Variants in BMPR1B observed in about 807,000 individuals in gnomAD.
BMPR1B encodes the protein bone morphogenetic protein receptor type-1B.
Under a neutral mutation model 59.1 loss-of-function variants are expected in BMPR1B, and 12 were observed. The ratio of observed to expected loss-of-function variants is 0.20; its 90% CI spans 0.13 to 0.33. The LOEUF is 0.33. BMPR1B is among the 10% of genes least tolerant of loss of function. The probability of loss-of-function intolerance (pLI) is 1.00; values close to 1 mark genes in which losing one functional copy is unlikely to be tolerated. For synonymous variants in BMPR1B, 237 were observed against 207.3 expected (o/e 1.14, Z -1.23); for missense variants, 550 against 610.9 (o/e 0.90, Z 1.05).
chr4:94,923,895 G>C (rs1578807219), intron 2 of BMPR1B, among the ~76,000 whole-genome samples: 1 of 152,184 alleles, frequency 6.6e-6, no homozygotes, highest in Non-Finnish European at 1.5e-5. Context: ...ACTTGGACTG[G>C]GTCTTAGGAA....
intron 2 of BMPR1B, among the ~76,000 whole-genome samples, chr4:94,879,705 A>AT: frequency 6.6e-6 from 1 of 152,172 alleles, no homozygotes; most frequent in South Asian, 2.1e-4. Flanking sequence ...AGATCTTTAA[A>AT]TTTTTTTCCC....
intron 2 of BMPR1B, among the ~76,000 whole-genome samples, chr4:94,882,136 CT>C (rs964880905): frequency 6.6e-6 from 1 of 151,200 alleles, no homozygotes; most frequent in African/African-American, 2.4e-5. Flanking sequence ...CTGTTTTTTT[CT>C]TTTTTTTTCC....
intron 2 of BMPR1B, among the ~76,000 whole-genome samples, chr4:94,973,971 G>GTCCCTC (rs1730912544): frequency 6.6e-6 from 1 of 152,170 alleles, no homozygotes; most frequent in Non-Finnish European, 1.5e-5. Flanking sequence ...AAAGACTCCA[G>GTCCCTC]TCATATATCC....
At chr4:94,999,448 G>A (rs966554687) in intron 3 of BMPR1B, among the ~76,000 whole-genome samples, 1 of 151,916 alleles carries the variant, frequency 6.6e-6, no homozygotes, top group African/African-American at 2.4e-5. Flanking sequence ...GTGTGTGTGT[G>A]TGTAACCATG....
intron 2 of BMPR1B, among the ~76,000 whole-genome samples, chr4:94,883,842 A>C (rs2148982389): frequency 6.6e-6 from 1 of 152,276 alleles, no homozygotes; most frequent in East Asian, 1.9e-4. Context: ...AAGTTTCACA[A>C]GTAGATGGAC....
Position 94,879,277 on chromosome 4 carries a change from G to T in BMPR1B, c.-113+3377G>T, listed in dbSNP as rs565494687. Among the ~76,000 whole-genome samples, 6 of 152,274 alleles carry T rather than the reference G, an allele frequency of 3.9e-5. No homozygotes were observed. In the South Asian group the frequency reaches 1.2e-3, roughly 32 times the overall value. The stretch of plus-strand genomic sequence containing the variant: ...CCTGGTAGAATAGAAAAGAACAAGG[G>T]ACTCTTAAAATGTTTAAGGTATTAA... On this transcript the variant is annotated intron_variant, in intron 2 of 12. Coordinates refer to ENST00000515059, the MANE Select transcript of BMPR1B (RefSeq NM_001203.3).
At chr4:94,883,594 TA>T (rs1727062258) in intron 2 of BMPR1B, among the ~76,000 whole-genome samples, 1 of 151,746 alleles carries the variant, frequency 6.6e-6, no homozygotes, top group South Asian at 2.1e-4. Flanking sequence ...ATGTATTTTA[TA>T]ATTCAATATA....
chr4:95,060,400 T>A (rs1164296334), intron 3 of BMPR1B, among the ~76,000 whole-genome samples: 1 of 152,232 alleles, frequency 6.6e-6, no homozygotes, highest in African/African-American at 2.4e-5. Flanking sequence ...GACATTCTTT[T>A]ATAAAATATT....
chr4:95,077,179 A>G (rs1728775303), intron 3 of BMPR1B, among the ~76,000 whole-genome samples: 1 of 152,232 alleles, frequency 6.6e-6, no homozygotes, highest in African/African-American at 2.4e-5. Context: ...GACATAGGAA[A>G]ACCTATCCTT....
chr4:95,110,685 A>G (rs1332423714), intron 4 of BMPR1B, among the ~76,000 whole-genome samples: 2 of 152,152 alleles, frequency 1.3e-5, no homozygotes, highest in African/African-American at 4.8e-5. Flanking sequence ...GCAGCTTATG[A>G]TGTCTGTCCC....
chr4:94,803,497 CT>C (rs1478245792), intron 1 of BMPR1B, among the ~76,000 whole-genome samples: 1 of 152,276 alleles, frequency 6.6e-6, no homozygotes, highest in Non-Finnish European at 1.5e-5. Flanking sequence ...CACGTGTCTA[CT>C]TATGTTTCTT....
chr4:94,791,934 A>C (rs1465375721), intron 1 of BMPR1B, among the ~76,000 whole-genome samples: 1 of 152,048 alleles, frequency 6.6e-6, no homozygotes, highest in Non-Finnish European at 1.5e-5. Context: ...GGTTGCTTTA[A>C]AAACTTCTTT....
At chr4:94,814,136 T>G (rs1156672186) in intron 1 of BMPR1B, among the ~76,000 whole-genome samples, 2 of 152,216 alleles carry the variant, frequency 1.3e-5, no homozygotes, top group East Asian at 3.8e-4. Context: ...CTGTTCAGGA[T>G]TAAATACTTA....
chr4:94,976,435 T>C (rs1578872048), intron 2 of BMPR1B, among the ~76,000 whole-genome samples: 1 of 152,168 alleles, frequency 6.6e-6, no homozygotes, highest in Non-Finnish European at 1.5e-5. Flanking sequence ...TGGGGTCATC[T>C]CAGGAAAATA....
intron 11 of BMPR1B, among the ~76,000 whole-genome samples, chr4:95,151,150 G>A: frequency 6.6e-6 from 1 of 152,198 alleles, no homozygotes; most frequent in Admixed American, 6.5e-5. Context: ...AGAAAGGTTT[G>A]AGGTTTCAAA....
At chr4:94,807,261 A>C (rs1027268278) in intron 1 of BMPR1B, among the ~76,000 whole-genome samples, 3 of 151,882 alleles carry the variant, frequency 2.0e-5, no homozygotes, top group African/African-American at 7.3e-5. Flanking sequence ...TGCCCAACTA[A>C]TTTTTGCAGT....
Position 94,949,308 on chromosome 4 carries a change from C to CTTTTTTTT in BMPR1B, c.-112-46720_-112-46713dup, listed in dbSNP as rs1216699208. The stretch of plus-strand genomic sequence containing the variant: ...TCCCTGCAAAGGACATGAACTCATT[C>CTTTTTTTT]TTTTTTTTTTTTTTTTTTTGAGACG... On this transcript the variant is annotated intron_variant, in intron 2 of 12. Coordinates refer to ENST00000515059, the MANE Select transcript of BMPR1B (RefSeq NM_001203.3). 2.0e-3 allele frequency among the ~76,000 whole-genome samples: 165 copies of CTTTTTTTT among 81,952 alleles called. 23 individuals carry two copies. Among genetic ancestry groups the CTTTTTTTT allele is most frequent in the African/African-American group, 6.6e-3 (120 of 18,068 alleles). 53.8% of individuals were successfully genotyped at this position (81,952 alleles called of 152,430 possible). A position where few individuals can be genotyped will look rare whatever the true frequency, so the allele number is the denominator to read the frequency against.
At chr4:94,949,137 T>C (rs1231338788) in intron 2 of BMPR1B, among the ~76,000 whole-genome samples, 1 of 152,120 alleles carries the variant, frequency 6.6e-6, no homozygotes. Flanking sequence ...CCCCACCCAC[T>C]GAGAGGCCCT....
rs150728762 is a variant in BMPR1B, at chr4:94,761,751, G to A, written c.-183+3683G>A. Among the ~76,000 whole-genome samples the A allele has an allele frequency of 1.9e-3, 295 of 152,222 alleles. 4 individuals are homozygous for A. Among genetic ancestry groups the A allele is most frequent in the African/African-American group, 6.8e-3 (284 of 41,548 alleles). On this transcript the variant is annotated intron_variant, in intron 1 of 12. Transcript: ENST00000515059. ...GGTATTCAGAGGATGGTTGGTGAAA[G>A]TATTAAAGACAGAAGGAAAAACTGA... is the stretch of plus-strand genomic sequence containing the variant.
Sources: allele counts gnomAD v4.1 joint callset (sites outside exome capture counted in the v4.1 genomes callset), GRCh38; gene constraint gnomAD v4.1.1; transcripts MANE v1.5; gene names NCBI Gene and HGNC (gene_info 2026-07-23, HGNC 2026-07-21).